TSHZ3: variants seen among roughly 807,000 people sequenced by gnomAD.
The protein encoded by TSHZ3 is teashirt zinc finger homeobox 3, also known as teashirt homolog 3.
A neutral mutation model predicts 64.5 loss-of-function variants in TSHZ3; 10 were observed. The observed-to-expected ratio is 0.16, with a 90% CI of 0.10 to 0.26. The LOEUF (loss-of-function observed/expected upper bound fraction) is 0.26, where lower values mean the gene tolerates loss of function less well. TSHZ3 is among the 10% of genes least tolerant of loss of function. The pLI is 1.00. For missense variants in TSHZ3, 1,242 were observed against 1,421.7 expected, an observed-to-expected ratio of 0.87 and a Z score of 2.03; for synonymous variants, 608 against 593.1, an observed-to-expected ratio of 1.03 and a Z score of -0.36.
intron 3 of TSHZ3, among the ~76,000 whole-genome samples, chr19:31,230,634 C>T (rs190545442): frequency 3.3e-5 from 5 of 151,040 alleles, no homozygotes; most frequent in East Asian, 3.9e-4. Context: ...CAACCCACCT[C>T]TCAGGGCCAC....
intron 3 of TSHZ3, among the ~76,000 whole-genome samples, chr19:31,242,067 G>A (rs1975697883): frequency 6.6e-6 from 1 of 152,062 alleles, no homozygotes; most frequent in Non-Finnish European, 1.5e-5. Context: ...GGATTTTTAG[G>A]CATATTTTTG....
chr19:31,164,851 A>G (rs1317412854), intron 5 of TSHZ3, among the ~76,000 whole-genome samples: 1 of 152,162 alleles, frequency 6.6e-6, no homozygotes. Flanking sequence ...TACACCACCC[A>G]TCGTCTTTGA....
At chr19:31,207,983 T>C (rs1300269313) in intron 4 of TSHZ3, among the ~76,000 whole-genome samples, 1 of 152,184 alleles carries the variant, frequency 6.6e-6, no homozygotes, top group Non-Finnish European at 1.5e-5. Context: ...AAAACCTTTA[T>C]CATAAGTGCA....
intron 1 of TSHZ3, among the ~76,000 whole-genome samples, chr19:31,289,167 A>G (rs1976518279): frequency 6.6e-6 from 1 of 152,224 alleles, no homozygotes; most frequent in Non-Finnish European, 1.5e-5. Flanking sequence ...TCCACACAGA[A>G]GGCCTCCTGC....
At position 31,297,178 on chromosome 19, in the gene TSHZ3, C is replaced by A. The variant is rs186331429; in HGVS notation, c.41-17426G>T. 1.4e-3 allele frequency among the ~76,000 whole-genome samples: 208 copies of A among 152,260 alleles called. 2 individuals are homozygous for A. Among genetic ancestry groups the A allele is most frequent in the Non-Finnish European group, 3.1e-4 (21 of 68,010 alleles). On this transcript the variant is annotated intron_variant, in intron 1 of 1. Coordinates refer to ENST00000240587, the MANE Select transcript of TSHZ3 (RefSeq NM_020856.4). Reference sequence around the variant, plus strand: ...TCAGGTTCAGGCTTGTTGTTCGAGGCCAACTGCCTCCTCCACTGGGCACAG... The same window carrying A: ...TCAGGTTCAGGCTTGTTGTTCGAGGACAACTGCCTCCTCCACTGGGCACAG...
intron 1 of TSHZ3, among the ~76,000 whole-genome samples, chr19:31,288,594 G>A (rs1976508051): frequency 6.6e-6 from 1 of 152,198 alleles, no homozygotes. Context: ...CCAGCCTGGA[G>A]TGTAGTGGTG....
intron 1 of TSHZ3, among the ~76,000 whole-genome samples, chr19:31,251,436 C>A (rs559098194): frequency 2.0e-5 from 3 of 152,176 alleles, no homozygotes; most frequent in Non-Finnish European, 4.4e-5. Flanking sequence ...CCTCACCCTG[C>A]CTCCTGCTCC....
intron 4 of TSHZ3, among the ~76,000 whole-genome samples, chr19:31,213,404 A>G (rs1385081323): frequency 7.5e-6 from 1 of 132,840 alleles, no homozygotes; most frequent in African/African-American, 2.7e-5. Flanking sequence ...AGTGGTGTCC[A>G]GGGGTAAGGA....
chr19:31,194,426 C>A (rs952157821), intron 5 of TSHZ3, among the ~76,000 whole-genome samples: 1 of 152,144 alleles, frequency 6.6e-6, no homozygotes, highest in Non-Finnish European at 1.5e-5. Flanking sequence ...CAGAACTTAT[C>A]TCACCTGGAA....
At chr19:31,317,324 C>T (rs1916630401) in intron 1 of TSHZ3, among the ~76,000 whole-genome samples, 1 of 152,182 alleles carries the variant, frequency 6.6e-6, no homozygotes, top group African/African-American at 2.4e-5. Context: ...CATGCCAGGG[C>T]CAGGGTGTGA....
intron 3 of TSHZ3, among the ~76,000 whole-genome samples, chr19:31,229,818 A>G (rs1030196996): frequency 6.6e-6 from 1 of 152,234 alleles, no homozygotes; most frequent in African/African-American, 2.4e-5. Context: ...AAAATGTTTA[A>G]CTTTGCAAGC....
intron 1 of TSHZ3, among the ~76,000 whole-genome samples, chr19:31,311,173 C>T (rs1238010751): frequency 6.6e-6 from 1 of 152,202 alleles, no homozygotes; most frequent in Non-Finnish European, 1.5e-5. Context: ...AAGCACTGCC[C>T]TGTTTTAGAT....
intron 4 of TSHZ3, among the ~76,000 whole-genome samples, chr19:31,226,931 C>A (rs1038765816): frequency 6.8e-6 from 1 of 146,472 alleles, no homozygotes. Flanking sequence ...CTATCCCTTG[C>A]AGATACTTTT....
intron 1 of TSHZ3, among the ~76,000 whole-genome samples, chr19:31,254,306 G>C (rs1408978953): frequency 6.6e-6 from 1 of 152,228 alleles, no homozygotes; most frequent in Non-Finnish European, 1.5e-5. Flanking sequence ...CTGTGCCCAA[G>C]GGTGTACACG....
intron 5 of TSHZ3, among the ~76,000 whole-genome samples, chr19:31,160,311 G>C (rs1159469465): frequency 6.6e-6 from 1 of 152,160 alleles, no homozygotes; most frequent in African/African-American, 2.4e-5. Flanking sequence ...ATGCATGAAG[G>C]GTGCTGTTCT....
intron 3 of TSHZ3, among the ~76,000 whole-genome samples, chr19:31,232,860 C>T (rs187292370): frequency 9.2e-5 from 14 of 152,288 alleles, no homozygotes; most frequent in East Asian, 7.7e-4. Flanking sequence ...TCACTTAGCA[C>T]GCCTGTGAGT....
intron 1 of TSHZ3, among the ~76,000 whole-genome samples, chr19:31,257,791 G>C (rs1463200597): frequency 1.3e-5 from 2 of 152,212 alleles, no homozygotes; most frequent in Non-Finnish European, 2.9e-5. Flanking sequence ...CCTATGCAGA[G>C]TGGTCCCTAT....
In TSHZ3 at chr19:31,277,322, G is replaced by T. The variant is rs770738477; in HGVS notation, c.2471C>A (p.Thr824Lys). ...TGATACGACGGCAGATGTCTTTGCC[G>T]TTGTCACCGTGGATGAGGAGGTTGC... ...APATSSSTVT[T>K]AKTSAVVSFM... Residue 824 changes from threonine to lysine, a missense_variant, in exon 2 of 2, where the codon ACG becomes AAG. Thr to Lys is a moderately conservative substitution (Grantham distance 78, BLOSUM62 -1). Transcript: ENST00000240587. The surrounding 1 kb of genome is among the most constrained non-coding windows in gnomAD (Gnocchi z 4.5). The T allele has an allele frequency of 7.4e-6, 12 of 1,613,096 alleles. No individual in the cohort carries two copies. In the African/African-American group the frequency reaches 1.5e-4, roughly 20 times the overall value.
upstream of TSHZ3, among the ~76,000 whole-genome samples, chr19:31,350,623 G>A (rs2021691832): frequency 6.6e-6 from 1 of 151,658 alleles, no homozygotes; most frequent in East Asian, 2.0e-4. Context: ...ATTGGTGATC[G>A]GGGTCGCTGA....
Sources: gnomAD v4.1 joint callset for allele counts (sites outside exome capture counted in the v4.1 genomes callset) on GRCh38, gnomAD v4.1.1 for gene constraint, Gnocchi (gnomAD v3.1) non-coding constraint, MANE v1.5 for transcripts, NCBI Gene and HGNC (gene_info 2026-07-23, HGNC 2026-07-21) for gene names.